FAM114A1: variants seen among roughly 807,000 people sequenced by gnomAD.
FAM114A1 encodes the protein family with sequence similarity 114 member A1.
FAM114A1 carries 62 observed loss-of-function variants against 64.3 expected under a neutral mutation model. The ratio of observed to expected loss-of-function variants is 0.96; its 90% CI spans 0.79 to 1.19. FAM114A1 has a LOEUF of 1.19. Ranked by LOEUF, FAM114A1 falls within the 50% of genes most tolerant of loss-of-function variation. The probability of loss-of-function intolerance (pLI) is 0.00; values close to 1 mark genes in which losing one functional copy is unlikely to be tolerated. For synonymous variants in FAM114A1, 254 were observed against 251.1 expected, an observed-to-expected ratio of 1.01 and a Z score of -0.11; for missense variants, 645 against 676.3, an observed-to-expected ratio of 0.95 and a Z score of 0.51.
At chr4:38,931,301 C>A (rs2291493) in intron 10 of FAM114A1, 150 bp from the exon 11 acceptor site, 410,400 of 758,392 alleles carry the variant, frequency 0.54, 120,660 homozygotes, top group African/African-American at 0.91. Flanking sequence ...TTATCTTTTT[C>A]GGGGGTTGAA....
At chr4:38,914,788 T>C in intron 7 of FAM114A1, 133 bp from the exon 8 acceptor site, 4 of 985,054 alleles carry the variant, frequency 4.1e-6, no homozygotes, top group Non-Finnish European at 5.7e-6. Flanking sequence ...AATCATTTTT[T>C]AGAAATTCTA....
At chr4:38,930,352 A>G (rs1356653475) in intron 10 of FAM114A1, among the ~76,000 whole-genome samples, 4 of 152,068 alleles carry the variant, frequency 2.6e-5, no homozygotes, top group Admixed American at 2.6e-4. Flanking sequence ...CAGGTGGGTG[A>G]GGAAAAGGGC....
chr4:38,883,556 A>G (rs1166709373), intron 3 of FAM114A1, among the ~76,000 whole-genome samples: 2 of 152,176 alleles, frequency 1.3e-5, no homozygotes, highest in East Asian at 1.9e-4. Context: ...AAGAATCCCA[A>G]TGTTAACACT....
At chr4:38,873,991 A>G (rs1165808115) in intron 2 of FAM114A1, among the ~76,000 whole-genome samples, 3 of 152,218 alleles carry the variant, frequency 2.0e-5, no homozygotes, top group Non-Finnish European at 2.9e-5. Context: ...ATCATGAACC[A>G]TAATGAGGAC....
chr4:38,893,211 A>G (rs925789766), intron 4 of FAM114A1, among the ~76,000 whole-genome samples: 1 of 152,278 alleles, frequency 6.6e-6, no homozygotes, highest in African/African-American at 2.4e-5. Context: ...TGGCTATCAA[A>G]AGGATCTTGC....
chr4:38,937,808 C>T (rs575265050), intron 13 of FAM114A1, among the ~76,000 whole-genome samples: 2 of 152,238 alleles, frequency 1.3e-5, no homozygotes, highest in East Asian at 1.9e-4. Context: ...GATCTTGGCT[C>T]ACTGCAGCCT....
At chr4:38,934,481 CA>C (rs1720918567) in intron 12 of FAM114A1, among the ~76,000 whole-genome samples, 1 of 152,112 alleles carries the variant, frequency 6.6e-6, no homozygotes, top group African/African-American at 2.4e-5. Flanking sequence ...TTTATCAAAG[CA>C]AAACTTACCT....
chr4:38,903,779 T>C (rs1361780467), intron 4 of FAM114A1, among the ~76,000 whole-genome samples: 2 of 152,228 alleles, frequency 1.3e-5, no homozygotes, highest in Non-Finnish European at 2.9e-5. Context: ...CTGTGTCTAA[T>C]GATCTGCACA....
rs1248884446 is a variant in FAM114A1 at position 38,878,110 on chromosome 4, C to T, written c.32C>T (p.Thr11Ile). The part of the protein sequence containing the change: MSDDAGDTLA[T>I]GDKAEVTEMP... Reference sequence around the variant, plus strand: ...GATGATGCTGGTGACACCTTAGCCACTGGAGACAAAGCAGAAGTTACTGAG... The same window carrying T: ...GATGATGCTGGTGACACCTTAGCCATTGGAGACAAAGCAGAAGTTACTGAG... Residue 11 changes from threonine to isoleucine, a missense_variant, in exon 3 of 15, where the codon ACT becomes ATT. Thr to Ile is a moderately conservative substitution (Grantham distance 89). Transcript: ENST00000358869. The T allele has an allele frequency of 6.2e-7, 1 of 1,612,738 alleles. No individual in the cohort carries two copies. Among genetic ancestry groups the T allele is most frequent in the Non-Finnish European group, 8.5e-7 (1 of 1,179,068 alleles).
chr4:38,880,137 A>G (rs576038240), intron 3 of FAM114A1, among the ~76,000 whole-genome samples: 13 of 105,538 alleles, frequency 1.2e-4, no homozygotes, highest in Admixed American at 2.0e-4. Flanking sequence ...ATAGAATAGA[A>G]TAGAATAGAA....
chr4:38,877,692 C>G (rs1014362119), intron 2 of FAM114A1, among the ~76,000 whole-genome samples: 1 of 152,156 alleles, frequency 6.6e-6, no homozygotes, highest in African/African-American at 2.4e-5. Context: ...TGGCCGGGCG[C>G]GGTGGCTCAC....
At position 38,923,150 on chromosome 4, in the gene FAM114A1, G is replaced by T. The variant is rs1046004518; in HGVS notation, c.1069+257G>T. On this transcript the variant is annotated intron_variant, in intron 9 of 14. Transcript: ENST00000358869. ...CACATCACAGGCATGCAGTAAATGT[G>T]AATGCATATAGTCAGATAAACAAAG... Among the ~76,000 whole-genome samples, 20 of 151,878 alleles carry T rather than the reference G, an allele frequency of 1.3e-4. 1 individual carries two copies. The highest frequency in any genetic ancestry group is 4.8e-4 in the African/African-American group (20 of 41,428).
chr4:38,895,511 A>G (rs940215241), intron 4 of FAM114A1, among the ~76,000 whole-genome samples: 1 of 152,170 alleles, frequency 6.6e-6, no homozygotes. Context: ...TCTCCCCATC[A>G]TTGCTGGATA....
At chr4:38,889,396 GA>G (rs541128621) in intron 3 of FAM114A1, among the ~76,000 whole-genome samples, 23 of 148,424 alleles carry the variant, frequency 1.5e-4, no homozygotes, top group African/African-American at 3.9e-4. Context: ...CAGACAGAAA[GA>G]AAAAAAAAAT....
chr4:38,905,362 G>A (rs1258068592), intron 4 of FAM114A1, among the ~76,000 whole-genome samples, 160 bp from the exon 5 acceptor site: 1 of 151,250 alleles, frequency 6.6e-6, no homozygotes. Flanking sequence ...TTGCACCACT[G>A]CACTCCAGCC....
chr4:38,916,427 A>T (rs1286361350), intron 8 of FAM114A1, among the ~76,000 whole-genome samples: 2 of 152,218 alleles, frequency 1.3e-5, no homozygotes, highest in Admixed American at 1.3e-4. Context: ...AAGAAGCACA[A>T]ATGTGTGTGG....
At chr4:38,921,733 C>A (rs982945084) in intron 8 of FAM114A1, among the ~76,000 whole-genome samples, 2 of 152,208 alleles carry the variant, frequency 1.3e-5, no homozygotes, top group Non-Finnish European at 2.9e-5. Flanking sequence ...GTGCTTCCCT[C>A]CACTGTACCC....
chr4:38,884,635 A>G (rs1378789218), intron 3 of FAM114A1, among the ~76,000 whole-genome samples: 2 of 152,246 alleles, frequency 1.3e-5, no homozygotes, highest in Non-Finnish European at 2.9e-5. Context: ...ACATTGTACC[A>G]CACTGACATT....
rs980240911 is a variant in FAM114A1, at chr4:38,891,828, T to C, written c.434T>C (p.Val145Ala). The C allele has an allele frequency of 6.2e-7, 1 of 1,610,230 alleles. No homozygotes were observed. Among genetic ancestry groups the C allele is most frequent in the Non-Finnish European group, 8.5e-7 (1 of 1,178,512 alleles). ...CTGCTGTCGTCAGCATCTGCCACAG[T>C]AGGTAAGCATTGTATGTTGCATTGG... ...KSLLSSASATVGHGLTAVKEK... is the reference protein window; with the variant it reads ...KSLLSSASATAGHGLTAVKEK... Residue 145 changes from valine to alanine, a missense_variant and splice_region_variant, in exon 4 of 15, where the codon GTA becomes GCA. Physicochemically the swap from Val to Ala is moderately conservative, Grantham distance 64 (BLOSUM62 0). Transcript: ENST00000358869.
Sources: allele counts gnomAD v4.1 joint callset (sites outside exome capture counted in the v4.1 genomes callset), GRCh38; gene constraint gnomAD v4.1.1; transcripts MANE v1.5; gene names NCBI Gene and HGNC (gene_info 2026-07-23, HGNC 2026-07-21).